MAML3: variants seen among roughly 807,000 people sequenced by gnomAD.
The protein encoded by MAML3 is mastermind like transcriptional coactivator 3, also known as mastermind-like protein 3.
MAML3 carries 27 observed loss-of-function variants against 101.9 expected under a neutral mutation model. The ratio of observed to expected loss-of-function variants is 0.27; its 90% confidence interval spans 0.20 to 0.37. The LOEUF (loss-of-function observed/expected upper bound fraction) is 0.37. Among genes scored for constraint, MAML3 ranks in the 10% least tolerant of loss-of-function variants. MAML3 has a pLI of 1.00. For synonymous variants in MAML3, 501 were observed against 555.9 expected (o/e 0.90, Z 1.39); for missense variants, 1,316 against 1,444.9 (o/e 0.91, Z 1.45).
intron 2 of MAML3, among the ~76,000 whole-genome samples, chr4:139,784,470 C>T (rs987174702): frequency 3.3e-5 from 5 of 152,132 alleles, no homozygotes; most frequent in Non-Finnish European, 5.9e-5. Context: ...CCCTTCTTTA[C>T]CCACCCCTCT....
At chr4:140,144,652 G>A (rs374440897) in intron 1 of MAML3, among the ~76,000 whole-genome samples, 118 of 151,788 alleles carry the variant, frequency 7.8e-4, no homozygotes, top group African/African-American at 2.8e-3. Context: ...AACATGATTT[G>A]CTTTCCAGGT....
At chr4:140,043,154 T>G (rs968964745) in intron 1 of MAML3, among the ~76,000 whole-genome samples, 4 of 152,212 alleles carry the variant, frequency 2.6e-5, no homozygotes, top group Non-Finnish European at 5.9e-5. Context: ...CTGCATATTT[T>G]ATGAATGTAT....
chr4:139,755,390 C>A (rs192099998), intron 2 of MAML3, among the ~76,000 whole-genome samples: 1 of 152,146 alleles, frequency 6.6e-6, no homozygotes, highest in Non-Finnish European at 1.5e-5. Flanking sequence ...GGGTGGATCA[C>A]GAGGTCAGGA....
chr4:139,841,990 G>A (rs1034737681), intron 2 of MAML3, among the ~76,000 whole-genome samples: 1 of 152,170 alleles, frequency 6.6e-6, no homozygotes, highest in African/African-American at 2.4e-5. Context: ...ATTTGTCCAG[G>A]ACCAAGTCCA....
At chr4:139,829,110 G>A (rs4863514) in intron 2 of MAML3, among the ~76,000 whole-genome samples, 46,179 of 145,356 alleles carry the variant, frequency 0.32, 8,493 homozygotes, top group Admixed American at 0.44. Context: ...GGAAAGAAAG[G>A]AAGAAAGAGA....
At chr4:140,087,145 A>G (rs1281619169) in intron 1 of MAML3, among the ~76,000 whole-genome samples, 1 of 152,196 alleles carries the variant, frequency 6.6e-6, no homozygotes, top group Non-Finnish European at 1.5e-5. Context: ...GGGCAAGAGT[A>G]AGACTCCATC....
chr4:139,765,120 G>A (rs1729833495), intron 2 of MAML3, among the ~76,000 whole-genome samples: 1 of 152,230 alleles, frequency 6.6e-6, no homozygotes, highest in Non-Finnish European at 1.5e-5. Flanking sequence ...TGCCGTTTGG[G>A]CTGCCACTGA....
At chr4:140,027,482 G>A (rs1261688994) in intron 1 of MAML3, among the ~76,000 whole-genome samples, 4 of 152,182 alleles carry the variant, frequency 2.6e-5, no homozygotes, top group Non-Finnish European at 4.4e-5. Context: ...AACACTGCCA[G>A]GCCATTAGCA....
chr4:139,801,154 G>T (rs895180855), intron 2 of MAML3, among the ~76,000 whole-genome samples: 4 of 152,230 alleles, frequency 2.6e-5, no homozygotes, highest in Non-Finnish European at 5.9e-5. Context: ...TTTTAGCACA[G>T]GGCTGTGACC....
intron 2 of MAML3, among the ~76,000 whole-genome samples, chr4:139,774,726 T>C (rs1442456532): frequency 2.0e-5 from 3 of 152,210 alleles, no homozygotes; most frequent in African/African-American, 7.2e-5. Context: ...ATAGTAATTT[T>C]TAAATCTTAG....
intron 1 of MAML3, among the ~76,000 whole-genome samples, chr4:140,088,822 C>T (rs1479883827): frequency 6.6e-6 from 1 of 152,150 alleles, no homozygotes; most frequent in Non-Finnish European, 1.5e-5. Context: ...TGTACTATTT[C>T]ACAATACCCA....
chr4:139,765,979 C>A (rs910158383), intron 2 of MAML3, among the ~76,000 whole-genome samples: 1 of 151,766 alleles, frequency 6.6e-6, no homozygotes, highest in Non-Finnish European at 1.5e-5. Context: ...ACAGTGAGAC[C>A]CTCTCTCAAA....
At chr4:139,725,496 G>A (rs1020633442) in intron 4 of MAML3, among the ~76,000 whole-genome samples, 18 of 152,058 alleles carry the variant, frequency 1.2e-4, no homozygotes, top group Non-Finnish European at 2.1e-4. Flanking sequence ...TCCCAACTCC[G>A]ACAGCTACCC....
intron 1 of MAML3, among the ~76,000 whole-genome samples, chr4:140,120,097 C>A (rs923722476): frequency 2.0e-5 from 3 of 151,332 alleles, no homozygotes; most frequent in East Asian, 2.0e-4. Context: ...ATTAGCCGGG[C>A]GTGGTGGCGG....
At chr4:140,023,689 C>T (rs1275125135) in intron 1 of MAML3, among the ~76,000 whole-genome samples, 2 of 152,162 alleles carry the variant, frequency 1.3e-5, no homozygotes, top group African/African-American at 2.4e-5. Context: ...AAACATAATT[C>T]ACCCAAAACA....
At position 139,735,541 on chromosome 4, in the gene MAML3, C is replaced by T. The variant is rs928150753; in HGVS notation, c.2080-4874G>A. Among the ~76,000 whole-genome samples the T allele has an allele frequency of 1.3e-5, 2 of 152,156 alleles. No homozygotes were observed. Among genetic ancestry groups the T allele is most frequent in the African/African-American group, 4.8e-5 (2 of 41,440 alleles). ...GAGGGACCGGGTTCCAGGACCCCAGCTGCACAAAGCCGGCCCGGGGAGGGG... is the reference window on the plus strand; with the variant it reads ...GAGGGACCGGGTTCCAGGACCCCAGTTGCACAAAGCCGGCCCGGGGAGGGG... On this transcript the variant is annotated intron_variant, in intron 2 of 4. Coordinates refer to ENST00000509479, the MANE Select transcript of MAML3 (RefSeq NM_018717.5). This position sits in a 1 kb window ranked among gnomAD's most constrained non-coding sequence, Gnocchi z 5.8.
intron 1 of MAML3, among the ~76,000 whole-genome samples, chr4:140,151,158 A>G (rs910373617): frequency 3.9e-5 from 6 of 151,920 alleles, no homozygotes; most frequent in African/African-American, 1.4e-4. Flanking sequence ...GCCACGTTCC[A>G]AAAGGGAGGA....
chr4:139,757,288 C>T (rs1020775169), intron 2 of MAML3, among the ~76,000 whole-genome samples: 2 of 152,114 alleles, frequency 1.3e-5, no homozygotes, highest in Non-Finnish European at 2.9e-5. Context: ...CTCTCCAATA[C>T]ACCCTCTAGC....
At chr4:140,132,704 G>A (rs999742003) in intron 1 of MAML3, among the ~76,000 whole-genome samples, 3 of 152,144 alleles carry the variant, frequency 2.0e-5, no homozygotes, top group African/African-American at 4.8e-5. Context: ...CACTTTGCAC[G>A]AACATCCCTG....
Sources: gnomAD v4.1 joint callset for allele counts (sites outside exome capture counted in the v4.1 genomes callset) on GRCh38, gnomAD v4.1.1 for gene constraint, Gnocchi (gnomAD v3.1) non-coding constraint, MANE v1.5 for transcripts, NCBI Gene and HGNC (gene_info 2026-07-23, HGNC 2026-07-21) for gene names.